Variants in KALRN observed in about 807,000 individuals in gnomAD.
KALRN encodes kalirin RhoGEF kinase, also known as kalirin.
KALRN carries 70 observed loss-of-function variants against 353.7 expected under a neutral mutation model. The observed-to-expected ratio is 0.20, with a 90% CI of 0.16 to 0.24. The LOEUF (loss-of-function observed/expected upper bound fraction) is 0.24, where lower values mean the gene tolerates loss of function less well. KALRN is among the 10% of genes least tolerant of loss of function. The pLI is 1.00. For synonymous variants in KALRN, 1,391 were observed against 1,434.8 expected (o/e 0.97, Z 0.69); for missense variants, 2,791 against 3,756.7 (o/e 0.74, Z 6.72).
At chr3:124,192,423 TG>T (rs1180292000) in intron 1 of KALRN, among the ~76,000 whole-genome samples, 19 of 152,150 alleles carry the variant, frequency 1.2e-4, no homozygotes, top group African/African-American at 4.6e-4. Flanking sequence ...GAATGGTTAA[TG>T]GATACAAAAA....
chr3:124,669,963 C>CTTTTTTTTTTT (rs61190740), intron 47 of KALRN, among the ~76,000 whole-genome samples: 4 of 136,480 alleles, frequency 2.9e-5, no homozygotes, highest in African/African-American at 5.5e-5. Flanking sequence ...CATATATTTT[C>CTTTTTTTTTTT]TTTTTTTTTT....
intron 1 of KALRN, among the ~76,000 whole-genome samples, chr3:124,036,091 G>A (rs1282680420): frequency 6.6e-6 from 1 of 152,130 alleles, no homozygotes; most frequent in African/African-American, 2.4e-5. Context: ...TTTAGGTTCA[G>A]GGGTACATGT....
chr3:124,406,346 T>C (rs1203364605), intron 13 of KALRN, among the ~76,000 whole-genome samples: 1 of 152,242 alleles, frequency 6.6e-6, no homozygotes, highest in Non-Finnish European at 1.5e-5. Flanking sequence ...AACATTATAT[T>C]GGACAAGAAG....
At chr3:124,045,630 A>G (rs1230130256) in intron 1 of KALRN, among the ~76,000 whole-genome samples, 1 of 152,096 alleles carries the variant, frequency 6.6e-6, no homozygotes, top group Non-Finnish European at 1.5e-5. Flanking sequence ...CTCTTCATTT[A>G]TTCTTACACT....
At chr3:124,429,680 A>G (rs1269670767) in intron 15 of KALRN, among the ~76,000 whole-genome samples, 4 of 152,176 alleles carry the variant, frequency 2.6e-5, no homozygotes, top group Non-Finnish European at 4.4e-5. Flanking sequence ...CTGTCTAGAC[A>G]GTGTCAGCTG....
intron 1 of KALRN, among the ~76,000 whole-genome samples, chr3:124,058,502 G>A (rs2041745055): frequency 6.6e-6 from 1 of 152,150 alleles, no homozygotes; most frequent in Middle Eastern, 3.4e-3. Context: ...TAACCAAGAG[G>A]GGCCCTTCCT....
At chr3:124,081,492 C>T (rs1356560142) in intron 1 of KALRN, among the ~76,000 whole-genome samples, 2 of 152,254 alleles carry the variant, frequency 1.3e-5, no homozygotes, top group South Asian at 2.1e-4. Flanking sequence ...GTAAAGGGGC[C>T]GGGCACAGTG....
chr3:124,123,217 A>G (rs2064242152), intron 1 of KALRN, among the ~76,000 whole-genome samples: 1 of 147,942 alleles, frequency 6.8e-6, no homozygotes, highest in Non-Finnish European at 1.5e-5. Context: ...AAAAGGCAAG[A>G]TAGGCAGAAA....
chr3:124,563,992 C>T (rs1445419663), intron 34 of KALRN, among the ~76,000 whole-genome samples: 2 of 134,262 alleles, frequency 1.5e-5, no homozygotes, highest in East Asian at 2.1e-4. Context: ...GGCAACAGAG[C>T]GAGACTCTGT....
chr3:124,078,861 C>G (rs2060392380), intron 1 of KALRN, among the ~76,000 whole-genome samples: 1 of 152,190 alleles, frequency 6.6e-6, no homozygotes. Context: ...TTTCTAGGGA[C>G]TGGGACAAGG....
At chr3:124,592,309 C>CAAAAAAA (rs10575664) in intron 34 of KALRN, among the ~76,000 whole-genome samples, 198 of 120,602 alleles carry the variant, frequency 1.6e-3, no homozygotes, top group East Asian at 5.8e-3. Context: ...CTCAAAGAAA[C>CAAAAAAA]AAAAAAAAAA....
chr3:124,347,820 C>T (rs907511309), intron 10 of KALRN, among the ~76,000 whole-genome samples: 1 of 152,122 alleles, frequency 6.6e-6, no homozygotes, highest in Non-Finnish European at 1.5e-5. Context: ...GAGAACCTGC[C>T]TTCGTGTGAT....
At chr3:124,259,499 G>C (rs2072536423) in intron 3 of KALRN, among the ~76,000 whole-genome samples, 1 of 152,174 alleles carries the variant, frequency 6.6e-6, no homozygotes, top group African/African-American at 2.4e-5. Context: ...TGTCTATTAG[G>C]CTTTAAGACA....
intron 34 of KALRN, among the ~76,000 whole-genome samples, chr3:124,620,247 C>A (rs907007434): frequency 6.6e-6 from 1 of 152,026 alleles, no homozygotes; most frequent in Non-Finnish European, 1.5e-5. Context: ...ACAACAGGAG[C>A]GCACCACCAC....
At chr3:124,129,405 A>G (rs2065034002) in intron 1 of KALRN, among the ~76,000 whole-genome samples, 1 of 152,178 alleles carries the variant, frequency 6.6e-6, no homozygotes, top group African/African-American at 2.4e-5. Context: ...CTCATACTCC[A>G]GTTTGCACCC....
chr3:124,526,499 C>T (rs1454975638), intron 33 of KALRN, among the ~76,000 whole-genome samples: 3 of 152,048 alleles, frequency 2.0e-5, no homozygotes, highest in African/African-American at 7.3e-5. Flanking sequence ...CACTTAAGCC[C>T]AGGAGGCAGA....
intron 10 of KALRN, among the ~76,000 whole-genome samples, chr3:124,351,002 A>C (rs1295496886): frequency 6.6e-6 from 1 of 152,148 alleles, no homozygotes; most frequent in Non-Finnish European, 1.5e-5. Context: ...TTGTTAGTCC[A>C]CATAGGAAAA....
intron 1 of KALRN, among the ~76,000 whole-genome samples, chr3:124,054,383 A>AAAAATAAAAATAAAAATAAAAATG (rs2041329939): frequency 6.9e-6 from 1 of 145,426 alleles, no homozygotes; most frequent in East Asian, 2.0e-4. Flanking sequence ...AAATAAAAAT[A>AAAAATAAAAATAAAAATAAAAATG]AAATAAAATG....
In KALRN at chr3:124,719,536, C is replaced by A; in HGVS notation, c.*66C>A. 7.1e-7 allele frequency: 1 copy of A among 1,409,872 alleles called. No homozygotes were observed. Among genetic ancestry groups the A allele is most frequent in the Non-Finnish European group, 9.8e-7 (1 of 1,025,408 alleles). 87.3% of individuals were successfully genotyped at this position (1,409,872 alleles called of 1,614,324 possible). A position where few individuals can be genotyped will look rare whatever the true frequency, so the allele number is the denominator to read the frequency against. ...TGAACCAAAGCAAGACTGAATGTGA[C>A]TGTAAATAATTCTGTTCATCATTTC... is the stretch of plus-strand genomic sequence containing the variant. On this transcript the variant is annotated 3_prime_UTR_variant, in exon 60 of 60. Coordinates refer to ENST00000682506, the MANE Select transcript of KALRN (RefSeq NM_001388419.1). This position sits in a 1 kb window ranked among gnomAD's most constrained non-coding sequence, Gnocchi z 5.3.
Sources: gnomAD v4.1 joint callset for allele counts (sites outside exome capture counted in the v4.1 genomes callset) on GRCh38, gnomAD v4.1.1 for gene constraint, Gnocchi (gnomAD v3.1) non-coding constraint, MANE v1.5 for transcripts, NCBI Gene and HGNC (gene_info 2026-07-23, HGNC 2026-07-21) for gene names.